The following BRD4 variants were observed in gnomAD, a reference collection of about 807,000 sequenced individuals.
BRD4 encodes bromodomain-containing protein 4.
Under a neutral mutation model 142.1 loss-of-function variants are expected in BRD4, and 16 were observed. That is an observed-to-expected ratio of 0.11 (90% confidence interval 0.08 to 0.17). The LOEUF is 0.17. Among genes scored for constraint, BRD4 ranks in the 10% least tolerant of loss-of-function variants. The probability of loss-of-function intolerance (pLI) is 1.00; values close to 1 mark genes in which losing one functional copy is unlikely to be tolerated. For missense variants in BRD4, 1,424 were observed against 1,810.9 expected, an observed-to-expected ratio of 0.79 and a Z score of 3.88; for synonymous variants, 833 against 707.5, an observed-to-expected ratio of 1.18 and a Z score of -2.82.
In BRD4 at chr19:15,242,877, G is replaced by A. The variant is rs553516328; in HGVS notation, c.3169+23C>T. On this transcript the variant is annotated intron_variant, in intron 14 of 19. Transcript: ENST00000679869. ...TAGGCCCAGCACCAGCCTCCCCAGAGTCTACGGGTGAGGACCACTTACCGG... is the reference window on the plus strand; with the variant it reads ...TAGGCCCAGCACCAGCCTCCCCAGAATCTACGGGTGAGGACCACTTACCGG... 1.9e-5 allele frequency: 31 copies of A among 1,595,032 alleles called. 1 individual carries two copies. The South Asian group carries it at 3.1e-4, about 16-fold the overall frequency.
At chr19:15,326,944 A>G (rs909339178) in intron 1 of BRD4, among the ~76,000 whole-genome samples, 1 of 152,232 alleles carries the variant, frequency 6.6e-6, no homozygotes, top group Non-Finnish European at 1.5e-5. Context: ...TGCATCTCCG[A>G]GACTGTTCTC....
rs2047269148 is a variant in BRD4 at position 15,244,612 on chromosome 19, G to GAC, written c.2212-13_2212-12insGT. 1.2e-6 allele frequency: 2 copies of GAC among 1,613,066 alleles called. No individual in the cohort carries two copies. The highest frequency in any genetic ancestry group is 1.7e-6 in the Non-Finnish European group (2 of 1,179,904). On this transcript the variant is annotated splice_polypyrimidine_tract_variant and intron_variant, in intron 12 of 19. Coordinates refer to ENST00000679869, the MANE Select transcript of BRD4 (RefSeq NM_001379291.1). Reference sequence around the variant, plus strand: ...TGGTGATGATGGTGCTGCAGACAGAGAGACAGACAGACAGACAGGCTGATG... The same window carrying GAC: ...TGGTGATGATGGTGCTGCAGACAGAGACAGACAGACAGACAGACAGGCTGATG...
intron 1 of BRD4, among the ~76,000 whole-genome samples, chr19:15,278,465 G>A (rs2047673142): frequency 6.6e-6 from 1 of 150,814 alleles, no homozygotes; most frequent in Non-Finnish European, 1.5e-5. Context: ...AACCCGGGAG[G>A]TGGAGGTTGC....
chr19:15,248,974 C>A, intron 11 of BRD4: 2 of 512,076 alleles, frequency 3.9e-6, no homozygotes, highest in East Asian at 3.2e-5. Flanking sequence ...TTGTCATCAC[C>A]CTCCAGGAGA....
rs551106535 is a variant in BRD4 at position 15,267,819 on chromosome 19, T to A, written c.424-268A>T. 2.6e-5 allele frequency among the ~76,000 whole-genome samples: 4 copies of A among 152,328 alleles called. No individual in the cohort carries two copies. In the South Asian group the frequency reaches 8.3e-4, roughly 32 times the overall value. On this transcript the variant is annotated intron_variant, in intron 3 of 19. Coordinates refer to ENST00000679869, the MANE Select transcript of BRD4 (RefSeq NM_001379291.1). ...TGGCCTATCTGAGAAGCCATCCTAATGCCTTAAGCATCTACCAAGCTCAGC... is the reference window on the plus strand; with the variant it reads ...TGGCCTATCTGAGAAGCCATCCTAAAGCCTTAAGCATCTACCAAGCTCAGC...
chr19:15,256,634 G>A (rs1009175165), intron 8 of BRD4, among the ~76,000 whole-genome samples: 2 of 152,134 alleles, frequency 1.3e-5, no homozygotes, highest in African/African-American at 4.8e-5. Flanking sequence ...TGGCTATAGG[G>A]AGAGGAGCAA....
Position 15,265,607 on chromosome 19 carries a change from G to A in BRD4, c.596C>T (p.Thr199Ile). The A allele has an allele frequency of 3.1e-6, 5 of 1,614,174 alleles. No individual in the cohort carries two copies. The highest frequency in any genetic ancestry group is 4.2e-6 in the Non-Finnish European group (5 of 1,180,030). Residue 199 changes from threonine (T) to isoleucine (I), a missense_variant, in exon 5 of 20, where the codon ACA becomes ATA. This residue lies in a region of BRD4 where 140 missense variants were observed against 131.7 expected (regional missense o/e 1.06). Coordinates refer to ENST00000679869, the MANE Select transcript of BRD4 (RefSeq NM_001379291.1). ...AKPGVSTVPN[T>I]TQASTPPQTQ... ...CTGCGGAGGAGTCGATGCTTGAGTT[G>A]TGTTTGGTACCGTGGAAACGCCAGG... is the stretch of plus-strand genomic sequence containing the variant.
intron 1 of BRD4, among the ~76,000 whole-genome samples, chr19:15,322,484 T>A (rs867838244): frequency 1.4e-4 from 19 of 137,972 alleles, no homozygotes; most frequent in African/African-American, 4.9e-4. Context: ...CCGAGGCGGG[T>A]GGATCACGAG....
intron 1 of BRD4, among the ~76,000 whole-genome samples, chr19:15,282,934 C>T (rs778000981): frequency 1.3e-4 from 20 of 151,978 alleles, no homozygotes; most frequent in Admixed American, 4.6e-4. Flanking sequence ...TCACTGCACT[C>T]CAGCCTAGGC....
At chr19:15,277,430 T>C (rs974564048) in intron 1 of BRD4, among the ~76,000 whole-genome samples, 10 of 152,092 alleles carry the variant, frequency 6.6e-5, no homozygotes, top group South Asian at 2.1e-4. Context: ...CAACACCAGA[T>C]TGCACTATAT....
chr19:15,251,943 G>A lies in BRD4; in HGVS notation c.2158+2209C>T, dbSNP rs544143485. 3.8e-4 allele frequency among the ~76,000 whole-genome samples: 58 copies of A among 152,336 alleles called. 2 individuals are homozygous for A. The highest frequency in any genetic ancestry group is 2.5e-3 in the Admixed American group (38 of 15,306). ...CTGCATGAGCGGCCAGGGCTGGACC[G>A]CCAGAGCCTGGGAGCCTGGGAGCCA... On this transcript the variant is annotated intron_variant, in intron 11 of 19. Coordinates refer to ENST00000679869, the MANE Select transcript of BRD4 (RefSeq NM_001379291.1).
intron 14 of BRD4, among the ~76,000 whole-genome samples, chr19:15,241,808 T>G (rs2047240154): frequency 6.9e-6 from 1 of 143,890 alleles, no homozygotes; most frequent in Non-Finnish European, 1.5e-5. Context: ...CACCTGACTT[T>G]TTTTTTTTTT....
At chr19:15,308,141 C>G (rs202202382) in intron 1 of BRD4, among the ~76,000 whole-genome samples, 11 of 3,954 alleles carry the variant, frequency 2.8e-3, no homozygotes, top group African/African-American at 4.6e-3. Context: ...AAAAAAGTTG[C>G]GGGGCCGGGG....
At chr19:15,265,249 C>A in intron 5 of BRD4, 105 bp downstream of exon 5, 1 of 1,143,832 alleles carries the variant, frequency 8.7e-7, no homozygotes, top group Non-Finnish European at 1.2e-6. Flanking sequence ...CCCAGAAACA[C>A]CCACCAGTGC....
Position 15,238,290 on chromosome 19 carries a change from G to A in BRD4, c.*87C>T, listed in dbSNP as rs201664432. 47 of 1,583,510 alleles carry A rather than the reference G, an allele frequency of 3.0e-5. No individual in the cohort carries two copies. Among genetic ancestry groups the A allele is most frequent in the Middle Eastern group, 3.4e-4 (2 of 5,932 alleles). On this transcript the variant is annotated 3_prime_UTR_variant, in exon 20 of 20. Transcript: ENST00000679869. The surrounding 1 kb of genome is among the most constrained non-coding windows in gnomAD (Gnocchi z 7.2). ...CCAGGCCCTGAGGCATCCCCTGGCC[G>A]CTGATCCCACCTCCACCACCGCCCC...
At chr19:15,317,010 T>C (rs897013352) in intron 1 of BRD4, among the ~76,000 whole-genome samples, 1 of 152,204 alleles carries the variant, frequency 6.6e-6, no homozygotes, top group African/African-American at 2.4e-5. Context: ...TACCCTGTGC[T>C]CACTACGTAT....
chr19:15,312,463 T>A (rs1179080216), intron 1 of BRD4, among the ~76,000 whole-genome samples: 2 of 151,654 alleles, frequency 1.3e-5, no homozygotes, highest in East Asian at 3.9e-4. Flanking sequence ...AAACCCCGTC[T>A]CTACTAAAAA....
In BRD4 at chr19:15,274,576, C is replaced by A. The variant is rs140754848; in HGVS notation, c.-34-1443G>T. Among the ~76,000 whole-genome samples, 41 of 152,328 alleles carry A rather than the reference C, an allele frequency of 2.7e-4. No individual in the cohort carries two copies. In the East Asian group the frequency reaches 7.7e-3, roughly 29 times the overall value. On this transcript the variant is annotated intron_variant, in intron 1 of 19. Transcript: ENST00000679869. ...GCAGGCAGGGGCAGGAGCAGCCCAG[C>A]CACAAGGACACAGGCGGCCAGGGTG...
rs1464275128 is a variant in BRD4, at chr19:15,246,432, G to A, written c.2159-1670C>T. 2.0e-5 allele frequency: 3 copies of A among 152,762 alleles called. No individual in the cohort carries two copies. In the East Asian group the frequency reaches 5.8e-4, roughly 29 times the overall value. The allele number at this position is 152,762 out of a possible 1,614,324, so 9.5% of individuals were successfully genotyped here. A position where few individuals can be genotyped will look rare whatever the true frequency, so the allele number is the denominator to read the frequency against. On this transcript the variant is annotated intron_variant, in intron 11 of 19. Transcript: ENST00000679869. ...TCTGGGGGCATGCTGGGCACACCTT[G>A]GAGGGGACCCGGGGCAGAAGGCGGA...
Sources: allele counts gnomAD v4.1 joint callset (sites outside exome capture counted in the v4.1 genomes callset), GRCh38; gene constraint gnomAD v4.1.1; regional missense constraint gnomAD v4.1.1; non-coding constraint Gnocchi (gnomAD v3.1); transcripts MANE v1.5; gene names NCBI Gene and HGNC (gene_info 2026-07-23, HGNC 2026-07-21).